Variants in GTF2H5 observed in about 807,000 individuals in gnomAD.
The protein encoded by GTF2H5 is TFB5 ortholog.
Under a neutral mutation model 7.1 loss-of-function variants are expected in GTF2H5, and 5 were observed. That is an observed-to-expected ratio of 0.71 (90% CI 0.37 to 1.49). The LOEUF is 1.49. GTF2H5 is among the 40% of genes most tolerant of loss of function. GTF2H5 has a pLI of 0.03. For synonymous variants in GTF2H5, 30 were observed against 31.7 expected, an observed-to-expected ratio of 0.95 and a Z score of 0.18; for missense variants, 80 against 83.0, an observed-to-expected ratio of 0.96 and a Z score of 0.14.
chr6:158,183,900 G>A (rs1257203196), intron 2 of GTF2H5, among the ~76,000 whole-genome samples: 1 of 152,202 alleles, frequency 6.6e-6, no homozygotes, highest in Non-Finnish European at 1.5e-5. Context: ...CGCCCTCCAT[G>A]GGCTGCACCC....
rs1198286659 is a variant in GTF2H5 at position 158,195,937 on chromosome 6, AT to A, written c.*3782del. ...CACTGAAATGTCTATGGATGAGATT[AT>A]TGGATAAACTTTTTTAAAAACACTG... On this transcript the variant is annotated 3_prime_UTR_variant, in exon 3 of 3. Transcript: ENST00000607778. The A allele has an allele frequency of 6.6e-6, 1 of 152,224 alleles. No individual in the cohort carries two copies. The highest frequency in any genetic ancestry group is 2.4e-5 in the African/African-American group (1 of 41,458). The allele number at this position is 152,224 out of a possible 1,614,324, so 9.4% of individuals were successfully genotyped here.
intron 1 of GTF2H5, among the ~76,000 whole-genome samples, chr6:158,169,500 T>TATAATATAC (rs1785748445): frequency 1.3e-5 from 1 of 75,388 alleles, no homozygotes; most frequent in Non-Finnish European, 2.1e-5. Context: ...GTATATTATA[T>TATAATATAC]AATATATTGT....
intron 2 of GTF2H5, among the ~76,000 whole-genome samples, chr6:158,176,544 G>A (rs1478983207): frequency 6.6e-6 from 1 of 152,060 alleles, no homozygotes; most frequent in East Asian, 1.9e-4. Flanking sequence ...TTTTTAAAAG[G>A]ATATACGTAT....
At chr6:158,187,415 C>T (rs1342200928) in intron 2 of GTF2H5, among the ~76,000 whole-genome samples, 1 of 152,080 alleles carries the variant, frequency 6.6e-6, no homozygotes, top group Non-Finnish European at 1.5e-5. Context: ...TTTGCAGGGC[C>T]GTCTCAAAAT....
At chr6:158,191,243 C>T (rs1277427632) in intron 2 of GTF2H5, among the ~76,000 whole-genome samples, 1 of 152,072 alleles carries the variant, frequency 6.6e-6, no homozygotes, top group Non-Finnish European at 1.5e-5. Flanking sequence ...ACCAAAGTGA[C>T]TGTTTAACTG....
chr6:158,195,244 A>T lies in GTF2H5; in HGVS notation c.*3087A>T, dbSNP rs1328822167. The T allele has an allele frequency of 6.7e-6, 1 of 149,788 alleles. No homozygotes were observed. Among genetic ancestry groups the T allele is most frequent in the East Asian group, 1.9e-4 (1 of 5,198 alleles). 9.3% of individuals were successfully genotyped at this position (149,788 alleles called of 1,614,324 possible). A position where few individuals can be genotyped will look rare whatever the true frequency, so the allele number is the denominator to read the frequency against. Reference sequence around the variant, plus strand: ...CAGGAGTTTGAAGCTGCAGTAAGCTAAGAAGGTGCCACTGCACTGCAGCCT... The same window carrying T: ...CAGGAGTTTGAAGCTGCAGTAAGCTTAGAAGGTGCCACTGCACTGCAGCCT... On this transcript the variant is annotated 3_prime_UTR_variant, in exon 3 of 3. Transcript: ENST00000607778.
chr6:158,179,696 C>T (rs941786142), intron 2 of GTF2H5, among the ~76,000 whole-genome samples: 1 of 152,276 alleles, frequency 6.6e-6, no homozygotes, highest in Middle Eastern at 3.4e-3. Context: ...ATTTTGTATC[C>T]TGAAACTTTG....
chr6:158,180,538 C>G (rs4021236), intron 2 of GTF2H5, among the ~76,000 whole-genome samples: 5,383 of 152,270 alleles, frequency 0.035, 308 homozygotes, highest in African/African-American at 0.12. Context: ...ATTATTGCCT[C>G]AATTTCAGAA....
chr6:158,185,540 C>CAAA (rs35857314), intron 2 of GTF2H5, among the ~76,000 whole-genome samples: 2 of 81,538 alleles, frequency 2.5e-5, no homozygotes, highest in African/African-American at 7.7e-5. Context: ...GGCCCTGTCT[C>CAAA]AAAAAAAAAA....
intron 1 of GTF2H5, 55 bp from the exon 2 acceptor site, chr6:158,170,415 A>G (rs1446951614): frequency 9.5e-7 from 1 of 1,053,198 alleles, no homozygotes; most frequent in Non-Finnish European, 1.5e-6. Flanking sequence ...CAGATCCCCA[A>G]AGTATATGAA....
chr6:158,186,253 G>T (rs542495496), intron 2 of GTF2H5, among the ~76,000 whole-genome samples: 4 of 152,144 alleles, frequency 2.6e-5, no homozygotes, highest in Non-Finnish European at 5.9e-5. Flanking sequence ...GTCCTGAGGC[G>T]CTTCTTGGTT....
At chr6:158,172,923 C>G (rs1785876803) in intron 2 of GTF2H5, among the ~76,000 whole-genome samples, 1 of 152,168 alleles carries the variant, frequency 6.6e-6, no homozygotes, top group South Asian at 2.1e-4. Context: ...AGTCTCAGTG[C>G]CCGGTTTGCT....
At chr6:158,168,790 C>A (rs1411096423) in intron 1 of GTF2H5, among the ~76,000 whole-genome samples, 2 of 152,214 alleles carry the variant, frequency 1.3e-5, no homozygotes, top group Non-Finnish European at 2.9e-5. Context: ...CCTTTGGTCT[C>A]CTCATATGTA....
At chr6:158,175,843 GT>G (rs1325585375) in intron 2 of GTF2H5, among the ~76,000 whole-genome samples, 1 of 152,108 alleles carries the variant, frequency 6.6e-6, no homozygotes, top group African/African-American at 2.4e-5. Context: ...AAAGAAATTT[GT>G]TGATTGTGGC....
intron 2 of GTF2H5, among the ~76,000 whole-genome samples, chr6:158,185,322 CCAAGCCCAGGAGTT>C (rs532819329): frequency 5.5e-4 from 84 of 152,014 alleles, no homozygotes; most frequent in Non-Finnish European, 1.1e-3. Flanking sequence ...GGAGGATCGC[CCAAGCCCAGGAGTT>C]CAAGACCAGC....
chr6:158,188,880 C>T (rs1200705297), intron 2 of GTF2H5, among the ~76,000 whole-genome samples: 7 of 152,066 alleles, frequency 4.6e-5, no homozygotes, highest in Non-Finnish European at 1.0e-4. Context: ...CACAGACTCC[C>T]AAGCTATCTC....
chr6:158,185,549 A>AAC (rs1776904974), intron 2 of GTF2H5, among the ~76,000 whole-genome samples: 1 of 152,016 alleles, frequency 6.6e-6, no homozygotes, highest in African/African-American at 2.4e-5. Flanking sequence ...TCAAAAAAAA[A>AAC]AAAAAAAAAA....
chr6:158,189,035 C>T (rs1776978212), intron 2 of GTF2H5, among the ~76,000 whole-genome samples: 1 of 151,356 alleles, frequency 6.6e-6, no homozygotes, highest in Non-Finnish European at 1.5e-5. Context: ...GCCTCAGCCT[C>T]TTCTCTGAAC....
At chr6:158,187,445 T>G (rs907873541) in intron 2 of GTF2H5, among the ~76,000 whole-genome samples, 4 of 152,224 alleles carry the variant, frequency 2.6e-5, no homozygotes, top group Non-Finnish European at 4.4e-5. Context: ...AAACATATTT[T>G]GGTGTAAAAT....
Sources: gnomAD v4.1 joint callset for allele counts (sites outside exome capture counted in the v4.1 genomes callset) on GRCh38, gnomAD v4.1.1 for gene constraint, MANE v1.5 for transcripts, NCBI Gene and HGNC (gene_info 2026-07-23, HGNC 2026-07-21) for gene names.